Variants in SPTLC3 observed in about 807,000 individuals in gnomAD.
SPTLC3 encodes the protein serine palmitoyltransferase 3.
A neutral mutation model predicts 59.3 loss-of-function variants in SPTLC3; 36 were observed. The ratio of observed to expected loss-of-function variants is 0.61; its 90% CI spans 0.47 to 0.80. The LOEUF (loss-of-function observed/expected upper bound fraction) is 0.80, where lower values mean the gene tolerates loss of function less well. SPTLC3 is among the 30% of genes least tolerant of loss of function. The pLI is 0.00. For missense variants in SPTLC3, 625 were observed against 685.1 expected (o/e 0.91, Z 0.98); for synonymous variants, 257 against 240.8 (o/e 1.07, Z -0.62).
intron 7 of SPTLC3, among the ~76,000 whole-genome samples, chr20:13,112,877 A>G (rs1436957665): frequency 6.6e-6 from 1 of 152,174 alleles, no homozygotes; most frequent in Non-Finnish European, 1.5e-5. Context: ...CTAATTTGCA[A>G]CTATCACCAG....
intron 2 of SPTLC3, among the ~76,000 whole-genome samples, chr20:13,068,591 C>T (rs907725044): frequency 2.0e-5 from 3 of 152,004 alleles, no homozygotes; most frequent in Non-Finnish European, 4.4e-5. Context: ...AAGAGGGCCA[C>T]GCCCAAAAGC....
rs78061768 is a variant in SPTLC3, at chr20:13,118,124, A to G, written c.1152+399A>G. Among the ~76,000 whole-genome samples, 83 of 152,314 alleles carry G rather than the reference A, an allele frequency of 5.4e-4. No individual in the cohort carries two copies. In the East Asian group the frequency reaches 0.014, roughly 26 times the overall value. ...AATGTATACCAAGCCAGAAGTGATAAGGGATGTTCTGAAAACTATAAGCAT... is the reference window on the plus strand; with the variant it reads ...AATGTATACCAAGCCAGAAGTGATAGGGGATGTTCTGAAAACTATAAGCAT... On this transcript the variant is annotated intron_variant, in intron 8 of 11. Coordinates refer to ENST00000399002, the MANE Select transcript of SPTLC3 (RefSeq NM_018327.4).
Position 13,165,654 on chromosome 20 carries a change from T to C in SPTLC3, c.*787T>C, listed in dbSNP as rs2038974603. The stretch of plus-strand genomic sequence containing the variant: ...ATGGTAGTTACAACAATTTGAACCT[T>C]GTTGGTGCAGTGCACGGTGAATGCT... On this transcript the variant is annotated 3_prime_UTR_variant, in exon 12 of 12. Coordinates refer to ENST00000399002, the MANE Select transcript of SPTLC3 (RefSeq NM_018327.4). 6.6e-6 allele frequency: 1 copy of C among 152,204 alleles called. No homozygotes were observed. Among genetic ancestry groups the C allele is most frequent in the African/African-American group, 2.4e-5 (1 of 41,462 alleles). The allele number at this position is 152,204 out of a possible 1,614,324, so 9.4% of individuals were successfully genotyped here. A position where few individuals can be genotyped will look rare whatever the true frequency, so the allele number is the denominator to read the frequency against.
Position 13,167,759 on chromosome 20 carries a change from A to G in SPTLC3, c.*2892A>G, listed in dbSNP as rs141255250. 1.6e-4 allele frequency: 25 copies of G among 152,312 alleles called. No homozygotes were observed. The East Asian group carries it at 4.6e-3, about 28-fold the overall frequency. 9.4% of individuals were successfully genotyped at this position (152,312 alleles called of 1,614,324 possible). A position where few individuals can be genotyped will look rare whatever the true frequency, so the allele number is the denominator to read the frequency against. On this transcript the variant is annotated 3_prime_UTR_variant, in exon 12 of 12. Coordinates refer to ENST00000399002, the MANE Select transcript of SPTLC3 (RefSeq NM_018327.4). ...TTTACTAGGAAGCTGGCTAAAATCC[A>G]TACCCCTAGGCCCTACACCAGACCT... is the stretch of plus-strand genomic sequence containing the variant.
intron 11 of SPTLC3, chr20:13,164,300 G>A (rs960244428): frequency 8.5e-6 from 4 of 469,068 alleles, no homozygotes; most frequent in Non-Finnish European, 1.8e-5. Flanking sequence ...GGTAGCATGA[G>A]AGGACAGAGG....
chr20:13,089,692 A>G (rs774245388), intron 4 of SPTLC3, among the ~76,000 whole-genome samples: 4 of 150,464 alleles, frequency 2.7e-5, no homozygotes, highest in Admixed American at 6.7e-5. Flanking sequence ...AGGCTGAGGC[A>G]GGAGAATTGA....
chr20:13,154,899 G>A (rs920271251), intron 10 of SPTLC3, among the ~76,000 whole-genome samples: 1 of 152,170 alleles, frequency 6.6e-6, no homozygotes, highest in African/African-American at 2.4e-5. Flanking sequence ...GAAGTTAACT[G>A]GCAGGGCACA....
At chr20:13,080,629 T>C (rs1219291171) in intron 4 of SPTLC3, among the ~76,000 whole-genome samples, 1 of 151,744 alleles carries the variant, frequency 6.6e-6, no homozygotes, top group Non-Finnish European at 1.5e-5. Context: ...TTTCCCTAAC[T>C]GACAAAAGTT....
At position 13,009,360 on chromosome 20, in the gene SPTLC3, G is replaced by A; in HGVS notation, c.93G>A (p.Lys31=). The A allele has an allele frequency of 3.7e-6, 6 of 1,614,032 alleles. No homozygotes were observed. Among genetic ancestry groups the A allele is most frequent in the Non-Finnish European group, 8.5e-7 (1 of 1,179,954 alleles). Reference sequence around the variant, plus strand: ...GCTCACAAAGCAGAAACTGCACAAAGAATGGAATAGTGAAGGAAGCCCAGG... The same window carrying A: ...GCTCACAAAGCAGAAACTGCACAAAAAATGGAATAGTGAAGGAAGCCCAGG... ...SNGSQSRNCT[K]NGIVKEAQQN... The change falls in exon 1 of 12, where the codon AAG becomes AAA. Residue 31 remains lysine (K), a synonymous_variant. Coordinates refer to ENST00000399002, the MANE Select transcript of SPTLC3 (RefSeq NM_018327.4).
chr20:13,120,676 C>G (rs1423266404), intron 8 of SPTLC3, among the ~76,000 whole-genome samples: 1 of 152,042 alleles, frequency 6.6e-6, no homozygotes, highest in Non-Finnish European at 1.5e-5. Context: ...CATTTGAAAA[C>G]AAGGAGAAAA....
chr20:13,102,200 G>T (rs1989624124), intron 6 of SPTLC3, among the ~76,000 whole-genome samples: 1 of 152,132 alleles, frequency 6.6e-6, no homozygotes, highest in South Asian at 2.1e-4. Context: ...TGCAAGCCAT[G>T]ATCTTTTATA....
At chr20:13,059,047 A>G (rs1987842436) in intron 2 of SPTLC3, among the ~76,000 whole-genome samples, 1 of 152,228 alleles carries the variant, frequency 6.6e-6, no homozygotes, top group Non-Finnish European at 1.5e-5. Context: ...GACCATGGAC[A>G]TCTGGGCACC....
chr20:13,111,901 C>T (rs1034719784), intron 7 of SPTLC3, among the ~76,000 whole-genome samples: 1 of 152,196 alleles, frequency 6.6e-6, no homozygotes, highest in Non-Finnish European at 1.5e-5. Flanking sequence ...ATCAGCTACA[C>T]AGAGAAACAA....
rs1395239195 is a variant in SPTLC3, at chr20:13,150,763, C to T, written c.1280-3240C>T. Among the ~76,000 whole-genome samples, 4 of 152,346 alleles carry T rather than the reference C, an allele frequency of 2.6e-5. No individual in the cohort carries two copies. The East Asian group carries it at 7.7e-4, about 29-fold the overall frequency. ...CCTCATCTTGTCCCAGCTTCAACCA[C>T]ATCTTGCCTTGTTCACAACTTCTGT... On this transcript the variant is annotated intron_variant, in intron 9 of 11. Coordinates refer to ENST00000399002, the MANE Select transcript of SPTLC3 (RefSeq NM_018327.4).
intron 4 of SPTLC3, among the ~76,000 whole-genome samples, chr20:13,090,719 A>T (rs1035531003): frequency 6.6e-6 from 1 of 152,128 alleles, no homozygotes; most frequent in African/African-American, 2.4e-5. Flanking sequence ...AACACTGCAG[A>T]TCTGTTTTGT....
intron 2 of SPTLC3, among the ~76,000 whole-genome samples, chr20:13,071,264 T>C (rs1988424606): frequency 6.6e-6 from 1 of 152,242 alleles, no homozygotes; most frequent in Non-Finnish European, 1.5e-5. Flanking sequence ...GACATCATTC[T>C]ATTTACAGCA....
chr20:13,030,720 G>A (rs188641700), intron 1 of SPTLC3, among the ~76,000 whole-genome samples: 2 of 152,110 alleles, frequency 1.3e-5, no homozygotes, highest in Admixed American at 6.6e-5. Context: ...AGCCATGCCT[G>A]CCCCTCCCTA....
chr20:13,045,631 G>A (rs1452624631), intron 1 of SPTLC3, among the ~76,000 whole-genome samples: 1 of 152,010 alleles, frequency 6.6e-6, no homozygotes, highest in Non-Finnish European at 1.5e-5. Context: ...TTAATTAAGT[G>A]ACATTAAATT....
chr20:13,139,152 C>A lies in SPTLC3; in HGVS notation c.1279+12435C>A, dbSNP rs574543213. ...ATTTGCACTTAGGATGTTTTTCAATCAAGAAACTATGTTTTTGTGACATTA... is the reference window on the plus strand; with the variant it reads ...ATTTGCACTTAGGATGTTTTTCAATAAAGAAACTATGTTTTTGTGACATTA... On this transcript the variant is annotated intron_variant, in intron 9 of 11. Transcript: ENST00000399002. Among the ~76,000 whole-genome samples the A allele has an allele frequency of 2.2e-4, 33 of 152,278 alleles. No individual in the cohort carries two copies. The South Asian group carries it at 6.8e-3, about 32-fold the overall frequency.
Sources: allele counts gnomAD v4.1 joint callset (sites outside exome capture counted in the v4.1 genomes callset), GRCh38; gene constraint gnomAD v4.1.1; transcripts MANE v1.5; gene names NCBI Gene and HGNC (gene_info 2026-07-23, HGNC 2026-07-21).